The following SGCE variants were observed in gnomAD, a reference collection of about 807,000 sequenced individuals.
The protein encoded by SGCE is epsilon-sarcoglycan.
SGCE carries 26 observed loss-of-function variants against 57.8 expected under a neutral mutation model. That is an observed-to-expected ratio of 0.45 (90% CI 0.33 to 0.62). SGCE has a LOEUF of 0.62. Ranked by LOEUF, SGCE falls within the 20% of genes least tolerant of loss-of-function variation. The pLI, the probability that SGCE is intolerant of heterozygous loss-of-function variation, is 0.02. For missense variants in SGCE, 468 were observed against 548.6 expected (o/e 0.85, Z 1.47); for synonymous variants, 183 against 189.5 (o/e 0.97, Z 0.28).
At chr7:94,648,107 T>C (rs1034359214) in intron 1 of SGCE, among the ~76,000 whole-genome samples, 1 of 152,000 alleles carries the variant, frequency 6.6e-6, no homozygotes, top group African/African-American at 2.4e-5. Context: ...GTGTGGTGGC[T>C]CACACCTGTA....
chr7:94,588,054 A>C, intron 10 of SGCE: 1 of 1,354,226 alleles, frequency 7.4e-7, no homozygotes, highest in Non-Finnish European at 9.4e-7. Context: ...ACCACTAATT[A>C]GAAGACAATC....
Position 94,604,910 on chromosome 7 carries a change from G to A in SGCE, c.663-1458C>T, listed in dbSNP as rs192628660. 4.1e-3 allele frequency among the ~76,000 whole-genome samples: 559 copies of A among 134,920 alleles called. 5 individuals are homozygous for A. Among genetic ancestry groups the A allele is most frequent in the African/African-American group, 0.014 (501 of 36,336 alleles). The allele number at this position is 134,920 out of a possible 152,430, so 88.5% of individuals were successfully genotyped here. A position where few individuals can be genotyped will look rare whatever the true frequency, so the allele number is the denominator to read the frequency against. ...GAAAAACTGGATATCCACATATCCC[G>A]TCCTACCTAAGAAGGCAAATGAGAA... On this transcript the variant is annotated intron_variant, in intron 5 of 10. Transcript: ENST00000648936.
At chr7:94,623,439 T>G (rs781755967) in intron 3 of SGCE, 42 bp from the exon 4 acceptor site, 2 of 1,264,322 alleles carry the variant, frequency 1.6e-6, no homozygotes, top group South Asian at 2.5e-5. Context: ...TGAAATGTTC[T>G]TTGTAAAATG....
chr7:94,628,303 G>A lies in SGCE; in HGVS notation c.289C>T (p.Arg97Ter), dbSNP rs121908489. 4 of 1,611,366 alleles carry A rather than the reference G, an allele frequency of 2.5e-6. No homozygotes were observed. The highest frequency in any genetic ancestry group is 2.5e-6 in the Non-Finnish European group (3 of 1,178,212). The change falls in exon 3 of 11, where the codon CGA becomes TGA. Residue 97 changes from arginine (R) to a stop codon, truncating the protein, a stop_gained. Transcript: ENST00000648936. LOFTEE classifies it high-confidence loss of function. ...FNTNLMGYPD[R>*]PGWLRYIQRT... ...TGGATATATCGAAGCCATCCAGGTCGGTCTGGGTAACCCATTAAATTTGTA... is the reference window on the plus strand; with the variant it reads ...TGGATATATCGAAGCCATCCAGGTCAGTCTGGGTAACCCATTAAATTTGTA...
intron 5 of SGCE, among the ~76,000 whole-genome samples, chr7:94,610,965 C>T (rs1413345103): frequency 6.6e-6 from 1 of 152,110 alleles, no homozygotes; most frequent in Non-Finnish European, 1.5e-5. Context: ...TTCACTTTCA[C>T]TAGGATGGCT....
chr7:94,605,775 AAAC>A (rs1360742183), intron 5 of SGCE, among the ~76,000 whole-genome samples: 10 of 152,148 alleles, frequency 6.6e-5, no homozygotes, highest in African/African-American at 2.4e-4. Flanking sequence ...TAGAAACAAA[AAAC>A]AAAGGCAACA....
At chr7:94,648,188 C>T (rs941480573) in intron 1 of SGCE, among the ~76,000 whole-genome samples, 4 of 151,954 alleles carry the variant, frequency 2.6e-5, no homozygotes, top group South Asian at 2.1e-4. Flanking sequence ...GCCTGGCCAA[C>T]GTGGTGAAAC....
At chr7:94,623,912 G>A in intron 3 of SGCE, 1 of 363,864 alleles carries the variant, frequency 2.7e-6, no homozygotes, top group Non-Finnish European at 4.9e-6. Flanking sequence ...CTTACGATGG[G>A]AGTAAAGTAG....
At chr7:94,652,216 T>C (rs1808001945) in intron 1 of SGCE, among the ~76,000 whole-genome samples, 1 of 152,164 alleles carries the variant, frequency 6.6e-6, no homozygotes, top group Non-Finnish European at 1.5e-5. Flanking sequence ...CAGACCCATA[T>C]CATCAATTCC....
chr7:94,593,280 T>G (rs945406730), intron 9 of SGCE, among the ~76,000 whole-genome samples: 2 of 152,022 alleles, frequency 1.3e-5, no homozygotes, highest in African/African-American at 4.8e-5. Flanking sequence ...GGAATTATGT[T>G]TAGAATAATG....
chr7:94,625,004 A>G (rs1440323844), intron 3 of SGCE: 1 of 152,040 alleles, frequency 6.6e-6, no homozygotes, highest in East Asian at 1.9e-4. Context: ...TCCTTCTATC[A>G]CTTCCAATGA....
intron 5 of SGCE, among the ~76,000 whole-genome samples, chr7:94,604,653 C>T (rs1341521712): frequency 6.6e-6 from 1 of 151,300 alleles, no homozygotes; most frequent in African/African-American, 2.4e-5. Context: ...GTTGTTATAA[C>T]TAATGGTGCT....
At chr7:94,625,018 A>G (rs1803464502) in intron 3 of SGCE, 1 of 152,072 alleles carries the variant, frequency 6.6e-6, no homozygotes, top group African/African-American at 2.4e-5. Flanking sequence ...CCAATGAGAC[A>G]TTTAACTGCT....
intron 3 of SGCE, chr7:94,627,805 T>A: frequency 5.0e-6 from 1 of 200,826 alleles, no homozygotes; most frequent in South Asian, 8.5e-5. Flanking sequence ...CCTAAGCACC[T>A]ATCACAATGC....
chr7:94,591,643 C>G (rs960209300), intron 9 of SGCE, among the ~76,000 whole-genome samples: 3 of 152,246 alleles, frequency 2.0e-5, no homozygotes, highest in African/African-American at 7.2e-5. Flanking sequence ...CTCTTGTTGG[C>G]CCTCCCAACT....
chr7:94,628,725 C>G, intron 2 of SGCE: 1 of 244,578 alleles, frequency 4.1e-6, no homozygotes, highest in Non-Finnish European at 8.1e-6. Context: ...TCATGAAACT[C>G]TGGACACTAT....
intron 9 of SGCE, chr7:94,598,423 TAATATCTCTAAA>T (rs905469225): frequency 1.5e-5 from 4 of 259,462 alleles, no homozygotes; most frequent in African/African-American, 4.6e-5. Flanking sequence ...CAAATAATTC[TAATATCTCTAAA>T]AATAATCAAT....
At chr7:94,647,015 C>A (rs1318162511) in intron 1 of SGCE, among the ~76,000 whole-genome samples, 1 of 152,184 alleles carries the variant, frequency 6.6e-6, no homozygotes, top group Non-Finnish European at 1.5e-5. Flanking sequence ...TGTGTGTACA[C>A]ACAAAAACAC....
chr7:94,603,780 T>C (rs1305766236), intron 5 of SGCE, among the ~76,000 whole-genome samples: 1 of 152,180 alleles, frequency 6.6e-6, no homozygotes, highest in East Asian at 1.9e-4. Flanking sequence ...GTAATTACTA[T>C]ATTTAGTAGA....
Sources: gnomAD v4.1 joint callset for allele counts (sites outside exome capture counted in the v4.1 genomes callset) on GRCh38, gnomAD v4.1.1 for gene constraint, MANE v1.5 for transcripts, NCBI Gene and HGNC (gene_info 2026-07-23, HGNC 2026-07-21) for gene names.